NSMCE2: variants seen among roughly 807,000 people sequenced by gnomAD.
NSMCE2 encodes E3 SUMO-protein ligase NSE2.
A neutral mutation model predicts 23.8 loss-of-function variants in NSMCE2; 24 were observed. The ratio of observed to expected loss-of-function variants is 1.01; its 90% confidence interval spans 0.73 to 1.42. The LOEUF is 1.42. Among genes scored for constraint, NSMCE2 ranks in the 40% most tolerant of loss-of-function variants. The probability of loss-of-function intolerance (pLI) is 0.00; values close to 1 mark genes in which losing one functional copy is unlikely to be tolerated. For missense variants in NSMCE2, 284 were observed against 296.5 expected (o/e 0.96, Z 0.31); for synonymous variants, 92 against 94.1 (o/e 0.98, Z 0.13).
chr8:125,121,608 AT>A (rs952136392), intron 3 of NSMCE2, among the ~76,000 whole-genome samples: 1 of 152,198 alleles, frequency 6.6e-6, no homozygotes, highest in Non-Finnish European at 1.5e-5. Flanking sequence ...CTGTGAATGT[AT>A]TTTTACATTT....
At chr8:125,275,964 G>A (rs1827433295) in intron 5 of NSMCE2, among the ~76,000 whole-genome samples, 1 of 152,150 alleles carries the variant, frequency 6.6e-6, no homozygotes, top group Admixed American at 6.5e-5. Context: ...TCTTAGAGTA[G>A]TCACTGGCAC....
chr8:125,166,689 G>C (rs1409195330), intron 4 of NSMCE2, among the ~76,000 whole-genome samples: 1 of 152,184 alleles, frequency 6.6e-6, no homozygotes, highest in Non-Finnish European at 1.5e-5. Flanking sequence ...TGGAGGGTAT[G>C]ACCAGAGGAC....
chr8:125,327,265 C>CAAA (rs59574355), intron 5 of NSMCE2, among the ~76,000 whole-genome samples: 35 of 118,612 alleles, frequency 3.0e-4, no homozygotes, highest in Non-Finnish European at 3.9e-4. Context: ...GACTCCATCT[C>CAAA]AAAAAAAAAA....
In NSMCE2 at chr8:125,150,426, CTTTTTTTTTTTTTTTT is replaced by C. The variant is rs71295819; in HGVS notation, c.158-735_158-720del. Among the ~76,000 whole-genome samples, 7 of 61,870 alleles carry C rather than the reference CTTTTTTTTTTTTTTTT, an allele frequency of 1.1e-4. No homozygotes were observed. The East Asian group carries it at 3.3e-3, about 29-fold the overall frequency. 40.6% of individuals were successfully genotyped at this position (61,870 alleles called of 152,430 possible). A position where few individuals can be genotyped will look rare whatever the true frequency, so the allele number is the denominator to read the frequency against. On this transcript the variant is annotated intron_variant, in intron 3 of 7. Transcript: ENST00000287437. ...TTTTCTTTTTTTCTTTTCTTTCTTT[CTTTTTTTTTTTTTTTT>C]TTTTTTTTTGAGATGGAGTCTCACT...
At chr8:125,136,507 G>A (rs1445577781) in intron 3 of NSMCE2, among the ~76,000 whole-genome samples, 8 of 152,140 alleles carry the variant, frequency 5.3e-5, no homozygotes, top group Non-Finnish European at 1.0e-4. Flanking sequence ...CAGAGACTAG[G>A]TGCCTGCATG....
In NSMCE2 at chr8:125,363,522, GAGAA is replaced by G. The variant is rs59016298; in HGVS notation, c.627-3226_627-3223del. Among the ~76,000 whole-genome samples, 945 of 130,234 alleles carry G rather than the reference GAGAA, an allele frequency of 7.3e-3. 8 individuals are homozygous for G. Among genetic ancestry groups the G allele is most frequent in the African/African-American group, 0.02 (693 of 34,194 alleles). The allele number at this position is 130,234 out of a possible 152,430, so 85.4% of individuals were successfully genotyped here. A position where few individuals can be genotyped will look rare whatever the true frequency, so the allele number is the denominator to read the frequency against. On this transcript the variant is annotated intron_variant, in intron 7 of 7. Coordinates refer to ENST00000287437, the MANE Select transcript of NSMCE2 (RefSeq NM_173685.4). ...TCAAAAAAAGAAAGAGGAAAGAGGA[GAGAA>G]AGAAAGAAAGAAAGAAAGAGAGAGA...
At chr8:125,222,920 G>T (rs182326963) in intron 5 of NSMCE2, among the ~76,000 whole-genome samples, 3 of 152,152 alleles carry the variant, frequency 2.0e-5, no homozygotes, top group Non-Finnish European at 4.4e-5. Flanking sequence ...GAAATAGCCA[G>T]GTGTGGTGGT....
At chr8:125,271,384 A>G (rs1460429561) in intron 5 of NSMCE2, among the ~76,000 whole-genome samples, 1 of 152,214 alleles carries the variant, frequency 6.6e-6, no homozygotes, top group Non-Finnish European at 1.5e-5. Context: ...TAAATTTGAA[A>G]GATATTTGGA....
At chr8:125,119,493 T>C (rs1420761522) in intron 3 of NSMCE2, among the ~76,000 whole-genome samples, 2 of 152,184 alleles carry the variant, frequency 1.3e-5, no homozygotes, top group Non-Finnish European at 2.9e-5. Context: ...TTGGTTTAGG[T>C]TTCAGTGGCC....
chr8:125,093,932 G>A (rs1002230103), intron 1 of NSMCE2, among the ~76,000 whole-genome samples: 12 of 151,986 alleles, frequency 7.9e-5, no homozygotes, highest in Non-Finnish European at 7.4e-5. Context: ...GAGGGTCTAG[G>A]ACAATAGGTG....
chr8:125,365,037 C>T (rs746305420), intron 7 of NSMCE2, among the ~76,000 whole-genome samples: 19 of 152,168 alleles, frequency 1.2e-4, no homozygotes, highest in African/African-American at 4.6e-4. Flanking sequence ...AAGACCACAT[C>T]GAAGCAGAGC....
intron 4 of NSMCE2, among the ~76,000 whole-genome samples, chr8:125,163,133 G>A (rs541227863): frequency 2.0e-5 from 3 of 152,270 alleles, no homozygotes; most frequent in African/African-American, 7.2e-5. Context: ...TTGGGAGGCC[G>A]AGGTGGGAGG....
intron 5 of NSMCE2, among the ~76,000 whole-genome samples, chr8:125,202,307 G>A (rs1327494574): frequency 6.6e-6 from 1 of 152,220 alleles, no homozygotes. Context: ...CGATCACGCT[G>A]GGAGCTGCAG....
intron 5 of NSMCE2, among the ~76,000 whole-genome samples, chr8:125,216,574 C>T (rs1403741139): frequency 1.3e-5 from 2 of 150,508 alleles, no homozygotes; most frequent in African/African-American, 4.9e-5. Flanking sequence ...GCGGAGGTTG[C>T]GGTGATCCGA....
At chr8:125,362,234 C>G (rs184098582) in intron 7 of NSMCE2, among the ~76,000 whole-genome samples, 1 of 152,330 alleles carries the variant, frequency 6.6e-6, no homozygotes, top group East Asian at 1.9e-4. Context: ...ACAGTTGTTT[C>G]TCCAGAGGAG....
chr8:125,250,911 T>C (rs1197341114), intron 5 of NSMCE2, among the ~76,000 whole-genome samples: 3 of 152,214 alleles, frequency 2.0e-5, no homozygotes. Flanking sequence ...ATTATAACAT[T>C]AGTATTAACC....
intron 5 of NSMCE2, among the ~76,000 whole-genome samples, chr8:125,331,427 A>G (rs1354712732): frequency 1.3e-5 from 2 of 152,174 alleles, no homozygotes; most frequent in Non-Finnish European, 2.9e-5. Flanking sequence ...GCCCTCCCTC[A>G]TAGGGTGCTT....
intron 5 of NSMCE2, among the ~76,000 whole-genome samples, chr8:125,322,618 G>C (rs1159429987): frequency 1.3e-5 from 2 of 152,028 alleles, no homozygotes; most frequent in Non-Finnish European, 2.9e-5. Flanking sequence ...GTTCAAACAA[G>C]TACAATAAGG....
In NSMCE2 at chr8:125,366,949, C is replaced by T. The variant is rs1813824774; in HGVS notation, c.*64C>T. ...TCCTACCCCAGCTGTCTGTTGAGAG[C>T]AGTGCTGACCCCAGCAGTTAGGGAC... On this transcript the variant is annotated 3_prime_UTR_variant, in exon 8 of 8. Transcript: ENST00000287437. 3.3e-6 allele frequency: 3 copies of T among 899,218 alleles called. No homozygotes were observed. Among genetic ancestry groups the T allele is most frequent in the East Asian group, 4.8e-5 (2 of 41,584 alleles). The allele number at this position is 899,218 out of a possible 1,614,324, so 55.7% of individuals were successfully genotyped here.
Sources: allele counts gnomAD v4.1 joint callset (sites outside exome capture counted in the v4.1 genomes callset), GRCh38; gene constraint gnomAD v4.1.1; transcripts MANE v1.5; gene names NCBI Gene and HGNC (gene_info 2026-07-23, HGNC 2026-07-21).